PRKAG2: variants seen among roughly 807,000 people sequenced by gnomAD.
PRKAG2 encodes the protein 5'-AMP-activated protein kinase subunit gamma-2.
Under a neutral mutation model 69.6 loss-of-function variants are expected in PRKAG2, and 26 were observed. The observed-to-expected ratio is 0.37, with a 90% confidence interval of 0.27 to 0.52. The LOEUF is 0.52. Among genes scored for constraint, PRKAG2 ranks in the 20% least tolerant of loss-of-function variants. The probability of loss-of-function intolerance (pLI) is 0.90; values close to 1 mark genes in which losing one functional copy is unlikely to be tolerated. For missense variants in PRKAG2, 557 were observed against 740.0 expected, an observed-to-expected ratio of 0.75 and a Z score of 2.87; for synonymous variants, 293 against 285.0, an observed-to-expected ratio of 1.03 and a Z score of -0.28.
chr7:151,870,568 C>G (rs2080196261), intron 1 of PRKAG2, among the ~76,000 whole-genome samples: 1 of 152,232 alleles, frequency 6.6e-6, no homozygotes, highest in South Asian at 2.1e-4. Flanking sequence ...GCGGAGGCTT[C>G]CATCCGGAGC....
chr7:151,841,330 TTAGTGATGGTAGGTAGTAATGA>T (rs1392182493), intron 1 of PRKAG2, among the ~76,000 whole-genome samples: 1 of 151,052 alleles, frequency 6.6e-6, no homozygotes, highest in Non-Finnish European at 1.5e-5. Flanking sequence ...GGTAGTGATG[TTAGTGATGGTAGGTAGTAATGA>T]TAGTGATGGT....
intron 1 of PRKAG2, among the ~76,000 whole-genome samples, chr7:151,787,945 G>A (rs879584237): frequency 5.3e-5 from 8 of 152,188 alleles, no homozygotes; most frequent in Non-Finnish European, 1.2e-4. Context: ...CAACCCTGCT[G>A]ATATTTTGAT....
chr7:151,859,748 C>T (rs1311124681), intron 1 of PRKAG2, among the ~76,000 whole-genome samples: 6 of 152,228 alleles, frequency 3.9e-5, no homozygotes, highest in Non-Finnish European at 7.3e-5. Context: ...GCCAGCCATC[C>T]TCTTGTCCCA....
At chr7:151,613,957 C>A (rs1182494813) in intron 5 of PRKAG2, among the ~76,000 whole-genome samples, 1 of 152,052 alleles carries the variant, frequency 6.6e-6, no homozygotes, top group African/African-American at 2.4e-5. Context: ...CGCACACCAC[C>A]ACCCCTGGCT....
chr7:151,815,646 G>C (rs1375439698), intron 1 of PRKAG2, among the ~76,000 whole-genome samples: 1 of 152,126 alleles, frequency 6.6e-6, no homozygotes, highest in Non-Finnish European at 1.5e-5. Flanking sequence ...CTGCTTCCAG[G>C]GATCTGTGAG....
chr7:151,668,144 A>G (rs757823947), intron 4 of PRKAG2, among the ~76,000 whole-genome samples: 7 of 152,168 alleles, frequency 4.6e-5, no homozygotes, highest in Non-Finnish European at 8.8e-5. Context: ...TCTCACAGGA[A>G]TGGATTAGTT....
intron 1 of PRKAG2, among the ~76,000 whole-genome samples, chr7:151,824,716 C>A (rs1265120480): frequency 6.6e-6 from 1 of 152,192 alleles, no homozygotes; most frequent in African/African-American, 2.4e-5. Flanking sequence ...GGACACAAAG[C>A]AGAGCCCCAG....
chr7:151,725,447 G>A (rs761682187), intron 3 of PRKAG2, among the ~76,000 whole-genome samples: 11 of 151,952 alleles, frequency 7.2e-5, no homozygotes, highest in Non-Finnish European at 8.8e-5. Flanking sequence ...AAAGGGTTCC[G>A]GAGATGGATG....
chr7:151,795,887 AT>A lies in PRKAG2; in HGVS notation c.115-9347del, dbSNP rs1489415573. On this transcript the variant is annotated intron_variant, in intron 1 of 15. Coordinates refer to ENST00000287878, the MANE Select transcript of PRKAG2 (RefSeq NM_016203.4). ...TATATATATATATATATATATATAT[AT>A]ATCACGATAATATGTATATGTAATC... 1.6e-3 allele frequency among the ~76,000 whole-genome samples: 177 copies of A among 107,502 alleles called. 1 individual carries two copies. Among genetic ancestry groups the A allele is most frequent in the Middle Eastern group, 9.2e-3 (2 of 218 alleles). 70.5% of individuals were successfully genotyped at this position (107,502 alleles called of 152,430 possible).
chr7:151,792,925 C>T (rs1463270883), intron 1 of PRKAG2, among the ~76,000 whole-genome samples: 8 of 152,220 alleles, frequency 5.3e-5, no homozygotes, highest in Non-Finnish European at 1.2e-4. Flanking sequence ...AGAACACAGC[C>T]TGCAGCAGGG....
intron 3 of PRKAG2, among the ~76,000 whole-genome samples, chr7:151,744,011 G>A (rs1034157864): frequency 1.1e-4 from 17 of 152,314 alleles, no homozygotes; most frequent in African/African-American, 3.1e-4. Flanking sequence ...AGCTGGGGGC[G>A]AGAGAGATGA....
intron 1 of PRKAG2, among the ~76,000 whole-genome samples, chr7:151,872,273 G>A (rs959313283): frequency 2.0e-5 from 3 of 152,034 alleles, no homozygotes; most frequent in Non-Finnish European, 4.4e-5. Context: ...TCAGGCCCTC[G>A]GACCCTTACC....
At chr7:151,839,466 T>A (rs553017711) in intron 1 of PRKAG2, among the ~76,000 whole-genome samples, 1 of 152,336 alleles carries the variant, frequency 6.6e-6, no homozygotes, top group East Asian at 1.9e-4. Context: ...CTGCTATTTT[T>A]CATTGAGCAA....
intron 3 of PRKAG2, among the ~76,000 whole-genome samples, chr7:151,731,898 T>TA (rs145910565): frequency 1.3e-5 from 2 of 151,422 alleles, no homozygotes; most frequent in East Asian, 2.0e-4. Context: ...AGTGCAGTGG[T>TA]ATAATCTTGG....
chr7:151,812,528 AG>A (rs1304892850), intron 1 of PRKAG2, among the ~76,000 whole-genome samples: 3 of 152,266 alleles, frequency 2.0e-5, no homozygotes, highest in Admixed American at 6.5e-5. Flanking sequence ...TGAAGTGAGG[AG>A]GTCAAGACCA....
At chr7:151,775,084 T>C (rs554677682) in intron 3 of PRKAG2, among the ~76,000 whole-genome samples, 1 of 152,356 alleles carries the variant, frequency 6.6e-6, no homozygotes, top group African/African-American at 2.4e-5. Context: ...GCTTACACAA[T>C]TGTATGTAGG....
In PRKAG2 at chr7:151,786,502, G is replaced by C. The variant is rs1456914798; in HGVS notation, c.154C>G (p.Leu52Val). 6 of 1,613,020 alleles carry C rather than the reference G, an allele frequency of 3.7e-6. No individual in the cohort carries two copies. In the Admixed American group the frequency reaches 1.0e-4, roughly 27 times the overall value. The change falls in exon 2 of 16, where the codon CTG becomes GTG. Residue 52 changes from leucine (L) to valine (V), a missense_variant. Leu to Val is a conservative substitution (Grantham distance 32, BLOSUM62 1). Coordinates refer to ENST00000287878, the MANE Select transcript of PRKAG2 (RefSeq NM_016203.4). ...SFAMPLLDGD[L>V]EGSGKHSSRK... ...GAGGAATGCTTTCCGGAACCCTCCA[G>C]GTCTCCGTCCAGGAGCGGCATGGCG...
rs1460844494 is a variant in PRKAG2, at chr7:151,703,895, CACACACACACACACAA to C, written c.467-28274_467-28259del. On this transcript the variant is annotated intron_variant, in intron 3 of 15. Transcript: ENST00000287878. ...ACACACACACACACACACACACACA[CACACACACACACACAA>C]ATTAGCTAGGCATGGTGGCAGGTGC... 1.0e-3 allele frequency among the ~76,000 whole-genome samples: 138 copies of C among 137,212 alleles called. 2 individuals are homozygous for C. The highest frequency in any genetic ancestry group is 3.9e-3 in the African/African-American group (137 of 34,914). The allele number at this position is 137,212 out of a possible 152,430, so 90.0% of individuals were successfully genotyped here.
At chr7:151,593,170 T>G (rs1292658223) in intron 6 of PRKAG2, among the ~76,000 whole-genome samples, 2 of 152,144 alleles carry the variant, frequency 1.3e-5, no homozygotes, top group Non-Finnish European at 2.9e-5. Context: ...TCAAATCAGC[T>G]GTTACTTGTT....
Sources: allele counts gnomAD v4.1 joint callset (sites outside exome capture counted in the v4.1 genomes callset), GRCh38; gene constraint gnomAD v4.1.1; transcripts MANE v1.5; gene names NCBI Gene and HGNC (gene_info 2026-07-23, HGNC 2026-07-21).